ATG2B: variants seen among roughly 807,000 people sequenced by gnomAD.
ATG2B encodes autophagy-related protein 2 homolog B.
Under a neutral mutation model 241.3 loss-of-function variants are expected in ATG2B, and 121 were observed. That is an observed-to-expected ratio of 0.50 (90% CI 0.43 to 0.58). ATG2B has a LOEUF of 0.58. ATG2B is among the 20% of genes least tolerant of loss of function. ATG2B has a pLI of 0.00. For missense variants in ATG2B, 2,306 were observed against 2,491.6 expected (o/e 0.93, Z 1.59); for synonymous variants, 858 against 876.6 (o/e 0.98, Z 0.37).
In ATG2B at chr14:96,344,749, T is replaced by C; in HGVS notation, c.486A>G (p.Arg162=). ...KFAETIETVL[R]RVKVTFIDTV... ...TATCTATAAAAGTGACTTTTACTCTTCTTAGTACTAAAGTAAACAAGTAAT... is the reference window on the plus strand; with the variant it reads ...TATCTATAAAAGTGACTTTTACTCTCCTTAGTACTAAAGTAAACAAGTAAT... Residue 162 remains arginine, a synonymous_variant, in exon 4 of 42, where the codon AGA becomes AGG. Transcript: ENST00000359933. 1 of 1,534,808 alleles carries C rather than the reference T, an allele frequency of 6.5e-7. No homozygotes were observed.
chr14:96,353,004 T>A (rs933407981), intron 1 of ATG2B, among the ~76,000 whole-genome samples: 1 of 152,228 alleles, frequency 6.6e-6, no homozygotes, highest in African/African-American at 2.4e-5. Flanking sequence ...TTTATCTTTT[T>A]AAAATTTTTA....
intron 34 of ATG2B, among the ~76,000 whole-genome samples, chr14:96,298,636 A>G (rs1886710773): frequency 6.6e-6 from 1 of 152,204 alleles, no homozygotes; most frequent in African/African-American, 2.4e-5. Flanking sequence ...GATGGATCTC[A>G]AAGACTTAAC....
At chr14:96,303,009 T>C in intron 33 of ATG2B, 52 bp downstream of exon 33, 5 of 1,350,222 alleles carry the variant, frequency 3.7e-6, no homozygotes, top group Middle Eastern at 2.3e-4. Flanking sequence ...TTAGATATAA[T>C]AAAAACACGT....
chr14:96,295,013 C>A lies in ATG2B; in HGVS notation c.5373G>T (p.Glu1791Asp), dbSNP rs1034336181. ...ATGCTTCTTCAGCAGAGAAGTTCTT[C>A]TCTTCCATGCCATTAACCACTTCCA... ...NSVEVVNGME[E>D]KNFSAEEASF... is the part of the protein sequence containing the mutation. The change falls in exon 36 of 42, where the codon GAG becomes GAT. Residue 1791 changes from glutamate (E) to aspartate (D), a missense_variant. Glu to Asp is a conservative substitution (Grantham distance 45). This residue lies in a region of ATG2B where 379 missense variants were observed against 480.4 expected (regional missense o/e 0.79). Transcript: ENST00000359933. The A allele has an allele frequency of 6.2e-7, 1 of 1,614,240 alleles. No homozygotes were observed. Among genetic ancestry groups the A allele is most frequent in the Non-Finnish European group, 8.5e-7 (1 of 1,180,042 alleles).
rs1227515102 is a variant in ATG2B at position 96,295,125 on chromosome 14, C to T, written c.5261G>A (p.Arg1754Lys). 3 of 1,614,016 alleles carry T rather than the reference C, an allele frequency of 1.9e-6. No individual in the cohort carries two copies. The highest frequency in any genetic ancestry group is 2.7e-5 in the African/African-American group (2 of 74,910). Residue 1754 changes from arginine (R) to lysine (K), a missense_variant, in exon 36 of 42, where the codon AGG (arginine) becomes AAG (lysine). Coordinates refer to ENST00000359933, the MANE Select transcript of ATG2B (RefSeq NM_018036.7). ...TGGCTCCTTTGAGGTACTCAAATGC[C>T]TTGGCAAACTGCAGGTGACATCAGC... ...PGADVTCSLP[R>K]HLSTSKEPNL... is the part of the protein sequence containing the mutation.
In ATG2B at chr14:96,343,058, C is replaced by T. The variant is rs918192370; in HGVS notation, c.744+61G>A. ...ATACATCCTAGCAAAATTTAATAGCCCCCATTTAAACCTTTTAAAAAATCT... is the reference window on the plus strand; with the variant it reads ...ATACATCCTAGCAAAATTTAATAGCTCCCATTTAAACCTTTTAAAAAATCT... On this transcript the variant is annotated intron_variant, in intron 5 of 41. Transcript: ENST00000359933. 6.8e-6 allele frequency: 9 copies of T among 1,316,174 alleles called. No homozygotes were observed. The African/African-American group carries it at 1.2e-4, about 17-fold the overall frequency. The allele number at this position is 1,316,174 out of a possible 1,614,324, so 81.5% of individuals were successfully genotyped here.
At position 96,322,790 on chromosome 14, in the gene ATG2B, T is replaced by G. The variant is rs886867287; in HGVS notation, c.2541-55A>C. 5.3e-5 allele frequency: 78 copies of G among 1,483,648 alleles called. 1 individual carries two copies. The highest frequency in any genetic ancestry group is 6.1e-5 in the Non-Finnish European group (66 of 1,089,726). The allele number at this position is 1,483,648 out of a possible 1,614,324, so 91.9% of individuals were successfully genotyped here. ...AAGATCTAAGTGTAAACAGCAAAAC[T>G]TTAACTTTTGTGCAAATTAATACAC... is the stretch of plus-strand genomic sequence containing the variant. On this transcript the variant is annotated intron_variant, in intron 16 of 41. Transcript: ENST00000359933.
At chr14:96,340,091 TATGCTATATAGA>T (rs1472219830) in intron 6 of ATG2B, among the ~76,000 whole-genome samples, 16 of 78,442 alleles carry the variant, frequency 2.0e-4, no homozygotes, top group South Asian at 4.4e-4. Context: ...TATATGAATA[TATGCTATATAGA>T]ATATATGATA....
chr14:96,304,589 G>A lies in ATG2B; in HGVS notation c.4748C>T (p.Ser1583Leu), dbSNP rs377092086. The change falls in exon 32 of 42, where the codon TCG (serine) becomes TTG (leucine). Residue 1583 changes from serine to leucine, a missense_variant. Ser to Leu is a moderately radical substitution (Grantham distance 145). Transcript: ENST00000359933. ...ATGTCTCGTGGGTGTGTGAGAAGGCGAACTGTGGGGACTACTAAAAATGAG... is the reference window on the plus strand; with the variant it reads ...ATGTCTCGTGGGTGTGTGAGAAGGCAAACTGTGGGGACTACTAAAAATGAG... ...PAKSYISPHSSPSHTPTRHGR... is the reference protein window; with the variant it reads ...PAKSYISPHSLPSHTPTRHGR... The A allele has an allele frequency of 9.1e-5, 141 of 1,552,864 alleles. No individual in the cohort carries two copies. The highest frequency in any genetic ancestry group is 1.7e-4 in the Middle Eastern group (1 of 5,760).
In ATG2B at chr14:96,331,610, T is replaced by A; in HGVS notation, c.1496A>T (p.Asp499Val). The change falls in exon 11 of 42, where the codon GAT (aspartate) becomes GTT (valine). Residue 499 changes from aspartate to valine, a missense_variant. Physicochemically the swap from Asp to Val is radical, Grantham distance 152 (BLOSUM62 -3). Coordinates refer to ENST00000359933, the MANE Select transcript of ATG2B (RefSeq NM_018036.7). ...TSLPSRSVSV[D>V]ESRPELIFRL... is the part of the protein sequence containing the mutation. The stretch of plus-strand genomic sequence containing the variant: ...AAAAATAAGTTCAGGCCTTGATTCA[T>A]CCACTGAAACAGATCTAGATGGGAG... The A allele has an allele frequency of 6.2e-7, 1 of 1,613,032 alleles. No individual in the cohort carries two copies. Among genetic ancestry groups the A allele is most frequent in the East Asian group, 2.2e-5 (1 of 44,846 alleles).
chr14:96,285,814 G>T lies in ATG2B; in HGVS notation c.6178C>A (p.Gln2060Lys). Residue 2060 changes from glutamine (Q) to lysine (K), a missense_variant, in exon 42 of 42, where the codon CAA becomes AAA. Around this residue, in one of 2 missense-constraint regions of ATG2B, gnomAD observed 379 missense variants for 480.4 expected, o/e 0.79. Coordinates refer to ENST00000359933, the MANE Select transcript of ATG2B (RefSeq NM_018036.7). The surrounding 1 kb of genome is among the most constrained non-coding windows in gnomAD (Gnocchi z 4.2). Reference protein sequence around the residue: ...TSNVLGGMRNQIRPDVRQDES... With the variant: ...TSNVLGGMRNKIRPDVRQDES... ...TCTTGCCGGACATCTGGCCTAATTT[G>T]GTTTCTCATGCCACCCAGCACGTTT... The T allele has an allele frequency of 6.2e-7, 1 of 1,614,022 alleles. No homozygotes were observed.
At chr14:96,340,635 TG>T (rs1184729255) in intron 6 of ATG2B, among the ~76,000 whole-genome samples, 1 of 152,032 alleles carries the variant, frequency 6.6e-6, no homozygotes, top group African/African-American at 2.4e-5. Flanking sequence ...TAAAGGGTCC[TG>T]GTGAGGTGGC....
Position 96,322,653 on chromosome 14 carries a change from G to A in ATG2B, c.2623C>T (p.His875Tyr). The part of the protein sequence containing the change: ...AAEEEEENDG[H>Y]YQEEEEGGAH... The stretch of plus-strand genomic sequence containing the variant: ...CCTCCTTCCTCTTCCTCCTGGTAGT[G>A]ACCATCATTCTCCTCTTCTTCTTCA... Residue 875 changes from histidine to tyrosine, a missense_variant, in exon 17 of 42, where the codon CAC becomes TAC. His to Tyr is a moderately conservative substitution (Grantham distance 83). This residue lies in a region of ATG2B where 1,927 missense variants were observed against 2,011.2 expected (regional missense o/e 0.96). Coordinates refer to ENST00000359933, the MANE Select transcript of ATG2B (RefSeq NM_018036.7). 6.2e-7 allele frequency: 1 copy of A among 1,613,732 alleles called. No individual in the cohort carries two copies. The highest frequency in any genetic ancestry group is 8.5e-7 in the Non-Finnish European group (1 of 1,179,850).
intron 31 of ATG2B, among the ~76,000 whole-genome samples, 198 bp downstream of exon 31, chr14:96,305,387 CAAAT>C (rs1400227894): frequency 6.6e-6 from 1 of 152,116 alleles, no homozygotes; most frequent in East Asian, 1.9e-4. Flanking sequence ...AGTAAAAATA[CAAAT>C]AATACAAATA....
chr14:96,340,899 C>G (rs1391364299), intron 6 of ATG2B, among the ~76,000 whole-genome samples: 2 of 136,866 alleles, frequency 1.5e-5, no homozygotes, highest in Admixed American at 7.8e-5. Context: ...GCACCCCTGC[C>G]TGGGCAACAG....
At chr14:96,321,829 A>C (rs1366219467) in intron 18 of ATG2B, among the ~76,000 whole-genome samples, 1 of 152,192 alleles carries the variant, frequency 6.6e-6, no homozygotes, top group African/African-American at 2.4e-5. Context: ...CATAAAGAAA[A>C]AAATTGTATT....
chr14:96,309,577 T>G lies in ATG2B; in HGVS notation c.4179A>C (p.Arg1393=). 1.2e-6 allele frequency: 2 copies of G among 1,613,020 alleles called. No individual in the cohort carries two copies. The highest frequency in any genetic ancestry group is 1.7e-6 in the Non-Finnish European group (2 of 1,179,540). ...GAAGTACTGGACCACGTGAGGATGA[T>G]CGACCACTGGAATCTACCTATAGCC... The part of the protein sequence containing the change: ...QRRSKVDSSG[R]SSSRGPVLPE... Residue 1393 remains arginine (R), a synonymous_variant, in exon 29 of 42, where the codon CGA becomes CGC. Transcript: ENST00000359933.
At chr14:96,334,943 C>G (rs554274317) in intron 6 of ATG2B, among the ~76,000 whole-genome samples, 1 of 152,190 alleles carries the variant, frequency 6.6e-6, no homozygotes, top group Non-Finnish European at 1.5e-5. Context: ...CATACTCTAG[C>G]AGAGCATGTA....
chr14:96,341,527 C>T lies in ATG2B; in HGVS notation c.919G>A (p.Ala307Thr). The T allele has an allele frequency of 6.3e-7, 1 of 1,575,426 alleles. No homozygotes were observed. The change falls in exon 6 of 42, where the codon GCT (alanine) becomes ACT (threonine). Residue 307 changes from alanine (A) to threonine (T), a missense_variant. This residue lies in a region of ATG2B where 1,927 missense variants were observed against 2,011.2 expected (regional missense o/e 0.96). Transcript: ENST00000359933. ...AAAGTGAAACAAACACTGACCTTAG[C>T]TCCAGGAAGCACTTCATTCTGTTTC... ...TLKQNEVLPGAKLDVDGQIDS... is the reference protein window; with the variant it reads ...TLKQNEVLPGTKLDVDGQIDS...
Sources: gnomAD v4.1 joint callset for allele counts (sites outside exome capture counted in the v4.1 genomes callset) on GRCh38, gnomAD v4.1.1 for gene constraint, gnomAD v4.1.1 regional missense constraint, Gnocchi (gnomAD v3.1) non-coding constraint, MANE v1.5 for transcripts, NCBI Gene and HGNC (gene_info 2026-07-23, HGNC 2026-07-21) for gene names.